SLC25A21: variants seen among roughly 807,000 people sequenced by gnomAD.
The protein encoded by SLC25A21 is mitochondrial 2-oxodicarboxylate carrier.
SLC25A21 carries 47 observed loss-of-function variants against 43.8 expected under a neutral mutation model. The observed-to-expected ratio is 1.07, with a 90% CI of 0.85 to 1.37. The LOEUF (loss-of-function observed/expected upper bound fraction) is 1.37. SLC25A21 is among the 40% of genes most tolerant of loss of function. SLC25A21 has a pLI of 0.00. For missense variants in SLC25A21, 352 were observed against 350.2 expected (o/e 1.00, Z -0.04); for synonymous variants, 131 against 121.3 (o/e 1.08, Z -0.52).
intron 1 of SLC25A21, among the ~76,000 whole-genome samples, chr14:36,991,439 C>T (rs11850005): frequency 0.087 from 13,305 of 152,188 alleles, 665 homozygotes; most frequent in African/African-American, 0.13. Context: ...GGATGCAAAC[C>T]TTGGGTAACA....
At chr14:37,076,764 G>A (rs979488704) in intron 1 of SLC25A21, among the ~76,000 whole-genome samples, 14 of 152,108 alleles carry the variant, frequency 9.2e-5, no homozygotes, top group East Asian at 5.8e-4. Context: ...GACTACAGGC[G>A]TGAGCCACTG....
chr14:37,050,714 T>C (rs714270), intron 1 of SLC25A21, among the ~76,000 whole-genome samples: 1,623 of 152,330 alleles, frequency 0.011, 23 homozygotes, highest in African/African-American at 0.037. Flanking sequence ...TCCTTGCTAA[T>C]ACTCAACAAT....
In SLC25A21 at chr14:36,680,521, A is replaced by C. The variant is rs1882187700; in HGVS notation, c.*137T>G. The C allele has an allele frequency of 7.6e-7, 1 of 1,319,648 alleles. No homozygotes were observed. The highest frequency in any genetic ancestry group is 9.7e-7 in the Non-Finnish European group (1 of 1,032,110). 81.7% of individuals were successfully genotyped at this position (1,319,648 alleles called of 1,614,324 possible). On this transcript the variant is annotated 3_prime_UTR_variant, in exon 10 of 10. Coordinates refer to ENST00000331299, the MANE Select transcript of SLC25A21 (RefSeq NM_030631.4). The stretch of plus-strand genomic sequence containing the variant: ...CAAGTTGCCTATAGACATTTTTTAA[A>C]GTATTAAAATAGATTTTGTTCTTGA...
chr14:36,809,582 A>G (rs1294958458), intron 3 of SLC25A21, among the ~76,000 whole-genome samples: 1 of 152,166 alleles, frequency 6.6e-6, no homozygotes, highest in Non-Finnish European at 1.5e-5. Context: ...TTGTCTCTTG[A>G]AAGCAAGTGA....
intron 1 of SLC25A21, among the ~76,000 whole-genome samples, chr14:36,903,105 G>C (rs1196072166): frequency 6.6e-6 from 1 of 152,200 alleles, no homozygotes; most frequent in Non-Finnish European, 1.5e-5. Flanking sequence ...TTTAAACAGA[G>C]TGTAGAAGTA....
intron 1 of SLC25A21, among the ~76,000 whole-genome samples, chr14:36,918,693 T>A (rs1891896795): frequency 6.6e-6 from 1 of 152,096 alleles, no homozygotes; most frequent in Admixed American, 6.6e-5. Context: ...TCATACTTTC[T>A]CATTGTAAAT....
chr14:37,038,149 T>TTC (rs1961369506), intron 1 of SLC25A21, among the ~76,000 whole-genome samples: 1 of 152,142 alleles, frequency 6.6e-6, no homozygotes, highest in Non-Finnish European at 1.5e-5. Context: ...TGAAATTGCT[T>TTC]TCCTGGCTGC....
At chr14:36,713,466 T>G (rs1474588437) in intron 6 of SLC25A21, among the ~76,000 whole-genome samples, 1 of 152,156 alleles carries the variant, frequency 6.6e-6, no homozygotes, top group African/African-American at 2.4e-5. Context: ...TAAGCAAATG[T>G]AATGCATCAT....
chr14:36,977,258 T>A (rs551414420), intron 1 of SLC25A21, among the ~76,000 whole-genome samples: 1 of 152,188 alleles, frequency 6.6e-6, no homozygotes, highest in African/African-American at 2.4e-5. Flanking sequence ...AAGATTTGGC[T>A]CCTTTTTCTA....
intron 1 of SLC25A21, among the ~76,000 whole-genome samples, chr14:36,982,667 T>C (rs1417567618): frequency 6.6e-6 from 1 of 151,972 alleles, no homozygotes; most frequent in Admixed American, 6.6e-5. Flanking sequence ...ATACAAAAAT[T>C]AGCTGGGCAT....
At chr14:36,927,111 A>G (rs1892153935) in intron 1 of SLC25A21, among the ~76,000 whole-genome samples, 1 of 152,212 alleles carries the variant, frequency 6.6e-6, no homozygotes, top group Non-Finnish European at 1.5e-5. Context: ...CAGAGGTTGC[A>G]GTGAGCAGAG....
intron 1 of SLC25A21, among the ~76,000 whole-genome samples, chr14:37,040,231 A>G (rs1388915223): frequency 0.16 from 1,191 of 7,618 alleles, 336 homozygotes; most frequent in African/African-American, 0.55. Context: ...AAAGAAAAAG[A>G]AAGGGAGGAA....
At chr14:36,718,650 C>T (rs1884248545) in intron 6 of SLC25A21, among the ~76,000 whole-genome samples, 1 of 152,172 alleles carries the variant, frequency 6.6e-6, no homozygotes, top group Non-Finnish European at 1.5e-5. Flanking sequence ...TGATATCATA[C>T]ACGATCTAAT....
At chr14:36,979,237 CTATA>C (rs1959955615) in intron 1 of SLC25A21, among the ~76,000 whole-genome samples, 1 of 151,596 alleles carries the variant, frequency 6.6e-6, no homozygotes, top group South Asian at 2.1e-4. Flanking sequence ...GCTTATATTC[CTATA>C]TTGAAAAACA....
intron 1 of SLC25A21, among the ~76,000 whole-genome samples, chr14:37,124,174 C>T (rs1267543985): frequency 6.6e-6 from 1 of 151,940 alleles, no homozygotes; most frequent in Non-Finnish European, 1.5e-5. Flanking sequence ...AAGTGACCCT[C>T]CTGTCTCCAC....
In SLC25A21 at chr14:36,734,539, T is replaced by TA; in HGVS notation, c.237dup (p.Ile80TyrfsTer4). 2 of 1,608,310 alleles carry TA rather than the reference T, an allele frequency of 1.2e-6. No homozygotes were observed. Among genetic ancestry groups the TA allele is most frequent in the Non-Finnish European group, 1.7e-6 (2 of 1,176,944 alleles). On this transcript the variant is annotated frameshift_variant, in exon 4 of 10. Coordinates refer to ENST00000331299, the MANE Select transcript of SLC25A21 (RefSeq NM_030631.4). LOFTEE classifies it high-confidence loss of function. ...GCTCTTTTTGGGGTTTCAGCCAAGA[T>TA]AGGTGGCAGAATTCCCTTGTAAAAA...
chr14:36,764,089 AAG>A (rs1886284617), intron 3 of SLC25A21, among the ~76,000 whole-genome samples: 12 of 58,316 alleles, frequency 2.1e-4, no homozygotes, highest in African/African-American at 1.1e-3. Context: ...AGAAGGAAGG[AAG>A]GAAGGAAGGA....
intron 9 of SLC25A21, among the ~76,000 whole-genome samples, chr14:36,681,654 G>A (rs1340423422): frequency 7.2e-6 from 1 of 139,614 alleles, no homozygotes; most frequent in African/African-American, 2.9e-5. Flanking sequence ...AGACTTGGCT[G>A]CATGAAATAG....
intron 1 of SLC25A21, among the ~76,000 whole-genome samples, chr14:36,913,407 T>C (rs552906540): frequency 2.0e-5 from 3 of 152,230 alleles, no homozygotes; most frequent in Admixed American, 6.5e-5. Context: ...TCCCGAGTAG[T>C]TGGGACCACA....
Sources: gnomAD v4.1 joint callset for allele counts (sites outside exome capture counted in the v4.1 genomes callset) on GRCh38, gnomAD v4.1.1 for gene constraint, MANE v1.5 for transcripts, NCBI Gene and HGNC (gene_info 2026-07-23, HGNC 2026-07-21) for gene names.